The following SACS variants were observed in gnomAD, a reference collection of about 807,000 sequenced individuals.
The protein encoded by SACS is sacsin molecular chaperone, also known as sacsin.
In SACS, 197 loss-of-function variants were observed where a neutral mutation model predicts 348.0. The ratio of observed to expected loss-of-function variants is 0.57; its 90% CI spans 0.50 to 0.64. The LOEUF (loss-of-function observed/expected upper bound fraction) is 0.64, where lower values mean the gene tolerates loss of function less well. SACS is among the 30% of genes least tolerant of loss of function. The pLI, the probability that SACS is intolerant of heterozygous loss-of-function variation, is 0.00. For missense variants in SACS, 4,999 were observed against 5,360.8 expected (o/e 0.93, Z 2.11); for synonymous variants, 1,985 against 1,910.6 (o/e 1.04, Z -1.02).
chr13:23,355,975 C>G lies in SACS; in HGVS notation c.637G>C (p.Gly213Arg). 2 of 1,613,670 alleles carry G rather than the reference C, an allele frequency of 1.2e-6. No individual in the cohort carries two copies. Among genetic ancestry groups the G allele is most frequent in the Non-Finnish European group, 1.7e-6 (2 of 1,179,912 alleles). The part of the protein sequence containing the change: ...VPCIFSGDQI[G>R]MLDPHQTLFG... The stretch of plus-strand genomic sequence containing the variant: ...AGTGTTTGATGAGGATCTAGCATCC[C>G]GATTTGGTCACCACTAAAGATACAA... The change falls in exon 8 of 10, where the codon GGG becomes CGG. Residue 213 changes from glycine to arginine, a missense_variant. Gly to Arg is a moderately radical substitution (Grantham distance 125). Coordinates refer to ENST00000382292, the MANE Select transcript of SACS (RefSeq NM_014363.6).
Position 23,332,612 on chromosome 13 carries a change from A to C in SACS, c.11264T>G (p.Ile3755Arg). Residue 3755 changes from isoleucine (I) to arginine (R), a missense_variant, in exon 10 of 10, where the codon ATA (isoleucine) becomes AGA (arginine). Physicochemically the swap from Ile to Arg is moderately conservative, Grantham distance 97. Transcript: ENST00000382292. ...TTCATCCAACGTCGTTATGTTGCAT[A>C]TGTTTCTGCAGTTATTGATTACCTT... ...LDKVINNCRN[I>R]CNITTLDEEM... 6.2e-7 allele frequency: 1 copy of C among 1,613,630 alleles called. No homozygotes were observed. The highest frequency in any genetic ancestry group is 8.5e-7 in the Non-Finnish European group (1 of 1,179,904).
chr13:23,330,719 C>T lies in SACS; in HGVS notation c.13157G>A (p.Arg4386Gln), dbSNP rs781760041. 11 of 1,613,930 alleles carry T rather than the reference C, an allele frequency of 6.8e-6. No individual in the cohort carries two copies. The highest frequency in any genetic ancestry group is 5.3e-5 in the African/African-American group (4 of 74,996). ...SRRTFSTSAS[R>Q]FQSDKYSFQR... ...AAATGAGTATTTGTCTGACTGAAAT[C>T]GGGATGCTGAGGTTGAAAATGTTCG... Residue 4386 changes from arginine (R) to glutamine (Q), a missense_variant, in exon 10 of 10, where the codon CGA (arginine) becomes CAA (glutamine). Arg to Gln is a conservative substitution (Grantham distance 43, BLOSUM62 1). This residue lies in a region of SACS where 254 missense variants were observed against 275.1 expected (regional missense o/e 0.92). Coordinates refer to ENST00000382292, the MANE Select transcript of SACS (RefSeq NM_014363.6).
intron 5 of SACS, 78 bp from the exon 6 acceptor site, chr13:23,365,355 T>A: frequency 1.2e-6 from 1 of 848,904 alleles, no homozygotes; most frequent in Non-Finnish European, 1.8e-6. Flanking sequence ...ATCTATAATA[T>A]TTAAGAAGTT....
At position 23,336,634 on chromosome 13, in the gene SACS, C is replaced by G. The variant is rs185902810; in HGVS notation, c.7242G>C (p.Lys2414Asn). The change falls in exon 10 of 10, where the codon AAG (lysine) becomes AAC (asparagine). Residue 2414 changes from lysine (K) to asparagine (N), a missense_variant. Around this residue, in one of 6 missense-constraint regions of SACS, gnomAD observed 3,156 missense variants for 3,380.1 expected, o/e 0.93. Transcript: ENST00000382292. Reference protein sequence around the residue: ...LESIDQERGTKQITEENFQLC... With the variant: ...LESIDQERGTNQITEENFQLC... ...GCTGAAAATTCTCTTCTGTTATTTG[C>G]TTTGTTCCTCTTTCTTGATCAATAG... 6.2e-7 allele frequency: 1 copy of G among 1,613,774 alleles called. No homozygotes were observed. The highest frequency in any genetic ancestry group is 8.5e-7 in the Non-Finnish European group (1 of 1,179,838).
Position 23,329,707 on chromosome 13 carries a change from A to G in SACS, c.*429T>C. Reference sequence around the variant, plus strand: ...AAGAGGATCCACTTAAAAAAATGACAGACTACAAAGACTTAATTCCCCTTA... The same window carrying G: ...AAGAGGATCCACTTAAAAAAATGACGGACTACAAAGACTTAATTCCCCTTA... On this transcript the variant is annotated 3_prime_UTR_variant, in exon 10 of 10. Transcript: ENST00000382292. 2.0e-6 allele frequency: 1 copy of G among 506,888 alleles called. No individual in the cohort carries two copies. 31.4% of individuals were successfully genotyped at this position (506,888 alleles called of 1,614,324 possible).
Position 23,333,429 on chromosome 13 carries a change from G to T in SACS, c.10447C>A (p.Pro3483Thr). 1 of 1,610,766 alleles carries T rather than the reference G, an allele frequency of 6.2e-7. No homozygotes were observed. Among genetic ancestry groups the T allele is most frequent in the South Asian group, 1.1e-5 (1 of 90,414 alleles). The part of the protein sequence containing the change: ...DLEVYLKHLL[P>T]KIENLSYDAK... Reference sequence around the variant, plus strand: ...TCATAAGAGAGATTTTCAATTTTTGGTAAGAGGTGTTTCAAATATACCTCA... The same window carrying T: ...TCATAAGAGAGATTTTCAATTTTTGTTAAGAGGTGTTTCAAATATACCTCA... The change falls in exon 10 of 10, where the codon CCA (proline) becomes ACA (threonine). Residue 3483 changes from proline to threonine, a missense_variant. Physicochemically the swap from Pro to Thr is conservative, Grantham distance 38. This residue lies in a region of SACS where 734 missense variants were observed against 694.0 expected (regional missense o/e 1.06). Transcript: ENST00000382292.
chr13:23,422,366 GT>G (rs1566113066), intron 1 of SACS, among the ~76,000 whole-genome samples: 1 of 152,028 alleles, frequency 6.6e-6, no homozygotes, highest in Non-Finnish European at 1.5e-5. Flanking sequence ...ACATTTTATC[GT>G]TTTATACAAC....
chr13:23,379,441 G>T (rs1871953727), intron 2 of SACS, among the ~76,000 whole-genome samples: 1 of 152,144 alleles, frequency 6.6e-6, no homozygotes, highest in Non-Finnish European at 1.5e-5. Context: ...CTCACTCTGG[G>T]CCTCTTACTC....
chr13:23,334,594 G>T lies in SACS; in HGVS notation c.9282C>A (p.Thr3094=). The change falls in exon 10 of 10, where the codon ACC becomes ACA. Residue 3094 remains threonine, a synonymous_variant. Coordinates refer to ENST00000382292, the MANE Select transcript of SACS (RefSeq NM_014363.6). ...IDADIPVSYV[T]PADIRSFLMT... is the part of the protein sequence containing the mutation. ...TTAAAAAAGATCTGATATCAGCAGGGGTCACATAACTAACAGGAATATCTG... is the reference window on the plus strand; with the variant it reads ...TTAAAAAAGATCTGATATCAGCAGGTGTCACATAACTAACAGGAATATCTG... 1 of 1,613,366 alleles carries T rather than the reference G, an allele frequency of 6.2e-7. No individual in the cohort carries two copies. The highest frequency in any genetic ancestry group is 8.5e-7 in the Non-Finnish European group (1 of 1,179,710).
At chr13:23,380,148 T>TGTGTGTGTGTGAGA (rs35527942) in intron 2 of SACS, among the ~76,000 whole-genome samples, 1 of 147,670 alleles carries the variant, frequency 6.8e-6, no homozygotes, top group African/African-American at 2.5e-5. Flanking sequence ...TGTGTGTGTG[T>TGTGTGTGTGTGAGA]GAGAGAGAGA....
intron 3 of SACS, among the ~76,000 whole-genome samples, chr13:23,372,671 C>G (rs1483213808): frequency 6.6e-6 from 1 of 152,170 alleles, no homozygotes; most frequent in African/African-American, 2.4e-5. Context: ...TATGTCTCAC[C>G]AACAGCTGAA....
chr13:23,339,353 TTCTC>T lies in SACS; in HGVS notation c.4519_4522del (p.Glu1507IlefsTer3), dbSNP rs1307665214. ...AGCTGCCATCCCTGGGTCTAGGAGA[TTCTC>T]TCTTATGTCCATATTTCTTCTCATA... is the stretch of plus-strand genomic sequence containing the variant. On this transcript the variant is annotated frameshift_variant, in exon 10 of 10. Transcript: ENST00000382292. LOFTEE classifies it high-confidence loss of function. 1 of 1,613,380 alleles carries T rather than the reference TTCTC, an allele frequency of 6.2e-7. No homozygotes were observed. The highest frequency in any genetic ancestry group is 2.2e-5 in the East Asian group (1 of 44,870).
intron 1 of SACS, among the ~76,000 whole-genome samples, chr13:23,421,129 G>T (rs756190245): frequency 2.6e-5 from 4 of 151,836 alleles, no homozygotes; most frequent in Non-Finnish European, 4.4e-5. Context: ...CCTTGTGTCC[G>T]CCTGGGCCCT....
At chr13:23,346,614 T>C (rs952245211) in intron 9 of SACS, among the ~76,000 whole-genome samples, 1 of 152,232 alleles carries the variant, frequency 6.6e-6, no homozygotes, top group Non-Finnish European at 1.5e-5. Flanking sequence ...TGAATATGGT[T>C]TTACCGTGGT....
chr13:23,341,200 TATTTG>T lies in SACS; in HGVS notation c.2671_2675del (p.Gln891AsnfsTer17). 1.9e-6 allele frequency: 3 copies of T among 1,613,820 alleles called. No individual in the cohort carries two copies. The highest frequency in any genetic ancestry group is 1.7e-6 in the Non-Finnish European group (2 of 1,180,020). On this transcript the variant is annotated frameshift_variant, in exon 10 of 10. Transcript: ENST00000382292. LOFTEE classifies it high-confidence loss of function. ...CTTTGTGTGTTGGAAGTAGCGAAGT[TATTTG>T]ATTACACAATTTCTGCAATGGCATC...
intron 6 of SACS, among the ~76,000 whole-genome samples, chr13:23,361,593 A>G (rs970724747): frequency 1.3e-5 from 2 of 152,138 alleles, no homozygotes; most frequent in African/African-American, 4.8e-5. Flanking sequence ...CCTGGCCAAC[A>G]TGGTGAAACC....
At chr13:23,425,638 A>C (rs1473040996) in intron 1 of SACS, among the ~76,000 whole-genome samples, 2 of 151,664 alleles carry the variant, frequency 1.3e-5, no homozygotes, top group Non-Finnish European at 2.9e-5. Context: ...CCCACCCCTC[A>C]ACATCCAGGA....
At chr13:23,418,998 A>G (rs559524562) in intron 1 of SACS, 2 of 152,354 alleles carry the variant, frequency 1.3e-5, no homozygotes, top group East Asian at 3.9e-4. Context: ...GCTGAGTAAG[A>G]TGTTCTCGCT....
intron 2 of SACS, among the ~76,000 whole-genome samples, chr13:23,392,264 C>T (rs533253622): frequency 3.9e-4 from 60 of 152,242 alleles, no homozygotes; most frequent in South Asian, 1.5e-3. Flanking sequence ...TATGCCTCTC[C>T]CCAAAACAGA....
Sources: gnomAD v4.1 joint callset for allele counts (sites outside exome capture counted in the v4.1 genomes callset) on GRCh38, gnomAD v4.1.1 for gene constraint, gnomAD v4.1.1 regional missense constraint, MANE v1.5 for transcripts, NCBI Gene and HGNC (gene_info 2026-07-23, HGNC 2026-07-21) for gene names.